The following PRPF6 variants were observed in gnomAD, a reference collection of about 807,000 sequenced individuals.
PRPF6 encodes pre-mRNA-processing factor 6.
In PRPF6, 42 loss-of-function variants were observed where a neutral mutation model predicts 118.3. The observed-to-expected ratio is 0.35, with a 90% CI of 0.28 to 0.46. The LOEUF is 0.46. Among genes scored for constraint, PRPF6 ranks in the 20% least tolerant of loss-of-function variants. The pLI, the probability that PRPF6 is intolerant of heterozygous loss-of-function variation, is 1.00. For missense variants in PRPF6, 662 were observed against 1,255.7 expected (o/e 0.53, Z 7.15); for synonymous variants, 481 against 485.1 (o/e 0.99, Z 0.11).
intron 9 of PRPF6, among the ~76,000 whole-genome samples, chr20:64,008,452 C>T (rs552769051): frequency 2.6e-5 from 4 of 151,406 alleles, no homozygotes; most frequent in South Asian, 2.1e-4. Flanking sequence ...AGGAAATATT[C>T]GTGGCAATGC....
At chr20:63,982,449 C>T (rs541562079) in intron 1 of PRPF6, among the ~76,000 whole-genome samples, 35 of 152,144 alleles carry the variant, frequency 2.3e-4, no homozygotes, top group Non-Finnish European at 4.0e-4. Flanking sequence ...GGATTACAGG[C>T]GTGAGCCACC....
In PRPF6 at chr20:64,029,028, A is replaced by G. The variant is rs1006571664; in HGVS notation, c.2432-349A>G. Among the ~76,000 whole-genome samples, 4 of 152,058 alleles carry G rather than the reference A, an allele frequency of 2.6e-5. No homozygotes were observed. Among genetic ancestry groups the G allele is most frequent in the African/African-American group, 9.7e-5 (4 of 41,396 alleles). The stretch of plus-strand genomic sequence containing the variant: ...ACTAAAATACAAAAATGAGCTGGGC[A>G]TGGTGGCGGGCGCCTGTAATCCCAG... On this transcript the variant is annotated intron_variant, in intron 18 of 20. Coordinates refer to ENST00000266079, the MANE Select transcript of PRPF6 (RefSeq NM_012469.4). This position sits in a 1 kb window ranked among gnomAD's most constrained non-coding sequence, Gnocchi z 4.8.
chr20:63,981,562 G>C (rs2059067348), intron 1 of PRPF6, among the ~76,000 whole-genome samples: 1 of 152,126 alleles, frequency 6.6e-6, no homozygotes, highest in Non-Finnish European at 1.5e-5. Flanking sequence ...GGGTAATGCT[G>C]TATACGGTCT....
chr20:63,992,857 A>G (rs2059124560), intron 3 of PRPF6, among the ~76,000 whole-genome samples: 1 of 151,990 alleles, frequency 6.6e-6, no homozygotes, highest in Non-Finnish European at 1.5e-5. Context: ...CAGCCTCCCA[A>G]GTAGCTGTGA....
chr20:64,022,886 G>T lies in PRPF6; in HGVS notation c.1769+8G>T. On this transcript the variant is annotated splice_region_variant and intron_variant, in intron 13 of 20. Transcript: ENST00000266079. Reference sequence around the variant, plus strand: ...GAAGAACCATGGCACTCGGTATGTGGTGGGACCCGCCTGCCCAAGGGTGCT... The same window carrying T: ...GAAGAACCATGGCACTCGGTATGTGTTGGGACCCGCCTGCCCAAGGGTGCT... 4 of 1,613,976 alleles carry T rather than the reference G, an allele frequency of 2.5e-6. No homozygotes were observed. The highest frequency in any genetic ancestry group is 3.4e-6 in the Non-Finnish European group (4 of 1,179,986).
intron 11 of PRPF6, among the ~76,000 whole-genome samples, chr20:64,015,700 C>T (rs889601342): frequency 6.6e-6 from 1 of 152,200 alleles, no homozygotes; most frequent in Admixed American, 6.5e-5. Flanking sequence ...AATTGCCCTC[C>T]ATAGAGATAT....
intron 12 of PRPF6, 82 bp from the exon 13 acceptor site, chr20:64,022,675 G>T: frequency 6.3e-7 from 1 of 1,579,838 alleles, no homozygotes; most frequent in East Asian, 2.2e-5. Flanking sequence ...TTTCAGAATC[G>T]TATGAGCCTG....
intron 12 of PRPF6, among the ~76,000 whole-genome samples, chr20:64,021,354 T>TGC (rs1315575532): frequency 2.7e-5 from 4 of 149,992 alleles, no homozygotes; most frequent in Admixed American, 6.6e-5. Flanking sequence ...TGTGTGTGTG[T>TGC]GCGTGTGCAT....
chr20:64,032,831 G>GT lies in PRPF6; in HGVS notation c.2674-9dup. The GT allele has an allele frequency of 6.2e-7, 1 of 1,603,678 alleles. No homozygotes were observed. The highest frequency in any genetic ancestry group is 8.5e-7 in the Non-Finnish European group (1 of 1,176,258). On this transcript the variant is annotated splice_polypyrimidine_tract_variant and intron_variant, in intron 20 of 20. Coordinates refer to ENST00000266079, the MANE Select transcript of PRPF6 (RefSeq NM_012469.4). ...GGACCCCTGCCTGACGTGCCCTGTG[G>GT]TCCCCCCAGGAGCAGCAGGAGGAGG...
At chr20:64,022,617 G>A (rs1162654829) in intron 12 of PRPF6, 140 bp from the exon 13 acceptor site, 14 of 1,350,684 alleles carry the variant, frequency 1.0e-5, no homozygotes, top group Non-Finnish European at 1.5e-5. Flanking sequence ...CTGGATTGTG[G>A]TTCTAATTAG....
At chr20:64,024,784 T>C (rs2059280858) in intron 14 of PRPF6, 91 bp downstream of exon 14, 2 of 1,525,658 alleles carry the variant, frequency 1.3e-6, no homozygotes, top group East Asian at 2.4e-5. Flanking sequence ...CCACATACAA[T>C]GTGGCACGTG....
intron 10 of PRPF6, 86 bp downstream of exon 10, chr20:64,010,404 T>C: frequency 8.9e-7 from 1 of 1,126,724 alleles, no homozygotes; most frequent in Non-Finnish European, 1.3e-6. Flanking sequence ...ATGATACAAG[T>C]GGAGCATTGA....
intron 3 of PRPF6, 77 bp from the exon 4 acceptor site, chr20:63,993,329 AT>A (rs999435784): frequency 8.0e-6 from 8 of 996,552 alleles, no homozygotes; most frequent in Non-Finnish European, 1.2e-5. Context: ...CTTTTTGGTG[AT>A]TTAATTGAGA....
At chr20:64,002,014 G>GTTTTTTTTTTTTTTTTT (rs386394238) in intron 9 of PRPF6, among the ~76,000 whole-genome samples, 7 of 83,244 alleles carry the variant, frequency 8.4e-5, no homozygotes, top group Admixed American at 2.0e-4. Context: ...TTTTTTTCTG[G>GTTTTTTTTTTTTTTTTT]TTTTTTTTTT....
Position 64,028,445 on chromosome 20 carries a change from G to A in PRPF6, c.2340-33G>A, listed in dbSNP as rs1601533696. On this transcript the variant is annotated intron_variant, in intron 17 of 20. Transcript: ENST00000266079. This position sits in a 1 kb window ranked among gnomAD's most constrained non-coding sequence, Gnocchi z 6.5. The stretch of plus-strand genomic sequence containing the variant: ...ACCAGAATATGTGCTGTTGGTAGAC[G>A]GCTGTGGGACCTCCGGGGGCCTGTC... 5.6e-6 allele frequency: 9 copies of A among 1,610,284 alleles called. No individual in the cohort carries two copies. Among genetic ancestry groups the A allele is most frequent in the Middle Eastern group, 1.7e-4 (1 of 6,056 alleles).
chr20:63,984,520 A>G (rs1159661298), intron 2 of PRPF6, among the ~76,000 whole-genome samples: 2 of 152,314 alleles, frequency 1.3e-5, no homozygotes, highest in South Asian at 2.1e-4. Context: ...TCTTTCACCA[A>G]GCTTCTCCCG....
At chr20:63,982,564 G>C (rs2059075613) in intron 1 of PRPF6, among the ~76,000 whole-genome samples, 1 of 152,170 alleles carries the variant, frequency 6.6e-6, no homozygotes, top group African/African-American at 2.4e-5. Context: ...GAGGTAACTT[G>C]GTTTCCAGCT....
In PRPF6 at chr20:64,022,779, A is replaced by C; in HGVS notation, c.1670A>C (p.Glu557Ala). 1 of 1,614,008 alleles carries C rather than the reference A, an allele frequency of 6.2e-7. No individual in the cohort carries two copies. The highest frequency in any genetic ancestry group is 8.5e-7 in the Non-Finnish European group (1 of 1,180,002). ...ADSCVAHNAL[E>A]CARAIYAYAL... ...TAGTGTGTAGCCCACAATGCCCTGG[A>C]GTGTGCACGAGCCATCTACGCCTAC... is the stretch of plus-strand genomic sequence containing the variant. The change falls in exon 13 of 21, where the codon GAG (glutamate) becomes GCG (alanine). Residue 557 changes from glutamate (E) to alanine (A), a missense_variant. This residue lies in a region of PRPF6 where 189 missense variants were observed against 323.5 expected (regional missense o/e 0.58). Coordinates refer to ENST00000266079, the MANE Select transcript of PRPF6 (RefSeq NM_012469.4).
chr20:63,992,968 A>G (rs1008965265), intron 3 of PRPF6, among the ~76,000 whole-genome samples: 1 of 152,114 alleles, frequency 6.6e-6, no homozygotes, highest in African/African-American at 2.4e-5. Flanking sequence ...CTGTAATCCC[A>G]GCACTTTGGG....
Sources: allele counts gnomAD v4.1 joint callset (sites outside exome capture counted in the v4.1 genomes callset), GRCh38; gene constraint gnomAD v4.1.1; regional missense constraint gnomAD v4.1.1; non-coding constraint Gnocchi (gnomAD v3.1); transcripts MANE v1.5; gene names NCBI Gene and HGNC (gene_info 2026-07-23, HGNC 2026-07-21).